The following PCDHA4 variants were observed in gnomAD, a reference collection of about 807,000 sequenced individuals.
PCDHA4 encodes protocadherin alpha-4.
Under a neutral mutation model 61.4 loss-of-function variants are expected in PCDHA4, and 49 were observed. The ratio of observed to expected loss-of-function variants is 0.80; its 90% CI spans 0.63 to 1.01. The LOEUF is 1.01. PCDHA4 is among the 50% of genes least tolerant of loss of function. The pLI, the probability that PCDHA4 is intolerant of heterozygous loss-of-function variation, is 0.00. For synonymous variants in PCDHA4, 590 were observed against 550.3 expected, an observed-to-expected ratio of 1.07 and a Z score of -1.01; for missense variants, 1,254 against 1,235.8, an observed-to-expected ratio of 1.01 and a Z score of -0.22.
At chr5:140,823,170 G>A in intron 1 of PCDHA4, 1 of 1,613,908 alleles carries the variant, frequency 6.2e-7, no homozygotes, top group South Asian at 1.1e-5. Context: ...TCGTGAAGGA[G>A]AACAACCCGC....
intron 1 of PCDHA4, 146 bp from the exon 2 acceptor site, chr5:140,978,803 C>A: frequency 2.0e-6 from 3 of 1,485,240 alleles, no homozygotes; most frequent in Middle Eastern, 1.8e-4. Context: ...ATGTAGATAT[C>A]ATCATAGAGT....
intron 1 of PCDHA4, chr5:140,824,241 G>A (rs2150133437): frequency 6.0e-6 from 9 of 1,494,128 alleles, no homozygotes; most frequent in Non-Finnish European, 4.6e-6. Flanking sequence ...CAAATATTGT[G>A]GTACACAATT....
rs2150218754 is a variant in PCDHA4, at chr5:140,834,459, G to A, written c.2385+24887G>A. On this transcript the variant is annotated intron_variant, in intron 1 of 3. Transcript: ENST00000530339. ...TATTATAATTCTAGCAGCTTGGGAG[G>A]CAGGGAGAGGCCAGCTCCACTACTC... is the stretch of plus-strand genomic sequence containing the variant. 9.3e-6 allele frequency: 15 copies of A among 1,614,052 alleles called. No homozygotes were observed. The highest frequency in any genetic ancestry group is 1.7e-4 in the Middle Eastern group (1 of 6,058).
At chr5:140,875,342 A>T in intron 1 of PCDHA4, 1 of 1,443,152 alleles carries the variant, frequency 6.9e-7, no homozygotes, top group Non-Finnish European at 9.1e-7. Flanking sequence ...GATCGACTCC[A>T]TAATGACTGT....
intron 1 of PCDHA4, chr5:140,876,018 A>G: frequency 6.2e-7 from 1 of 1,613,764 alleles, no homozygotes; most frequent in East Asian, 2.2e-5. Flanking sequence ...AGCTTAAAAT[A>G]AAAACAAAAA....
At chr5:140,870,848 G>A in intron 1 of PCDHA4, 1 of 1,613,876 alleles carries the variant, frequency 6.2e-7, no homozygotes, top group East Asian at 2.2e-5. Context: ...CTAGTACCGC[G>A]GTCGGTGGGT....
At chr5:140,822,745 A>G (rs1767421086) in intron 1 of PCDHA4, 7 of 1,613,644 alleles carry the variant, frequency 4.3e-6, no homozygotes, top group South Asian at 2.2e-5. Context: ...TGCCATGGAT[A>G]AAAGTACATT....
At chr5:140,902,846 A>G (rs1119032) in intron 1 of PCDHA4, among the ~76,000 whole-genome samples, 22,643 of 152,174 alleles carry the variant, frequency 0.15, 1,744 homozygotes, top group Middle Eastern at 0.2. Flanking sequence ...CTTCACTTAG[A>G]AAAATGGCGT....
At chr5:140,953,254 C>A (rs1483553184) in intron 1 of PCDHA4, among the ~76,000 whole-genome samples, 3 of 152,098 alleles carry the variant, frequency 2.0e-5, no homozygotes, top group Non-Finnish European at 2.9e-5. Flanking sequence ...CAGTTTAGTT[C>A]TTTTAGCTTT....
intron 1 of PCDHA4, among the ~76,000 whole-genome samples, chr5:140,844,486 G>T (rs1279388855): frequency 6.7e-6 from 1 of 148,992 alleles, no homozygotes; most frequent in Non-Finnish European, 1.5e-5. Context: ...CTATGTTTAG[G>T]AAATGATTAC....
intron 1 of PCDHA4, chr5:140,841,301 G>A (rs2150312964): frequency 2.0e-6 from 3 of 1,536,446 alleles, no homozygotes; most frequent in Admixed American, 3.9e-5. Flanking sequence ...AATATTTTCT[G>A]ATAGGAAACG....
intron 1 of PCDHA4, chr5:140,871,069 C>G: frequency 6.2e-7 from 1 of 1,613,228 alleles, no homozygotes; most frequent in East Asian, 2.2e-5. Context: ...TCACGGTGAG[C>G]CGGCGCTGAC....
In PCDHA4 at chr5:140,841,358, C is replaced by A. The variant is rs2150314140; in HGVS notation, c.2385+31786C>A. ...CTGGCGAGGAGAGCTGGGATCCTGGCGACTACTACTCTTGCTTCTGCTCCT... is the reference window on the plus strand; with the variant it reads ...CTGGCGAGGAGAGCTGGGATCCTGGAGACTACTACTCTTGCTTCTGCTCCT... On this transcript the variant is annotated intron_variant, in intron 1 of 3. Coordinates refer to ENST00000530339, the MANE Select transcript of PCDHA4 (RefSeq NM_018907.4). 11 of 1,612,868 alleles carry A rather than the reference C, an allele frequency of 6.8e-6. No homozygotes were observed. In the Admixed American group the frequency reaches 1.2e-4, roughly 17 times the overall value.
intron 1 of PCDHA4, among the ~76,000 whole-genome samples, chr5:140,958,752 T>A (rs1423879082): frequency 6.6e-6 from 1 of 152,166 alleles, no homozygotes; most frequent in Non-Finnish European, 1.5e-5. Context: ...AAAGGAGATT[T>A]TTACCCATTT....
At position 140,842,676 on chromosome 5, in the gene PCDHA4, C is replaced by G. The variant is rs1554139267; in HGVS notation, c.2385+33104C>G. The G allele has an allele frequency of 1.9e-6, 3 of 1,595,430 alleles. 1 individual carries two copies. The African/African-American group carries it at 4.0e-5, about 21-fold the overall frequency. ...GAGGTGGCCGACGTGAACGACAATG[C>G]TCCGGCGTTCGCGCAGCCCGAGTAC... On this transcript the variant is annotated intron_variant, in intron 1 of 3. Transcript: ENST00000530339.
intron 1 of PCDHA4, among the ~76,000 whole-genome samples, chr5:140,961,599 G>T (rs1012408317): frequency 6.6e-6 from 1 of 152,062 alleles, no homozygotes; most frequent in African/African-American, 2.4e-5. Context: ...AATGATTCTA[G>T]TAAATGAAAC....
intron 1 of PCDHA4, among the ~76,000 whole-genome samples, chr5:140,947,198 TA>T (rs1554218091): frequency 1.3e-5 from 2 of 151,312 alleles, no homozygotes; most frequent in African/African-American, 4.8e-5. Flanking sequence ...TACACAGCCT[TA>T]AAAAAAGAAA....
intron 1 of PCDHA4, among the ~76,000 whole-genome samples, chr5:140,937,724 AAC>A (rs2091708035): frequency 6.6e-6 from 1 of 152,064 alleles, no homozygotes; most frequent in Non-Finnish European, 1.5e-5. Flanking sequence ...CATCCTGGCT[AAC>A]ACGGTGAAAC....
chr5:140,965,331 G>T (rs2153743444), intron 1 of PCDHA4, among the ~76,000 whole-genome samples: 1 of 152,252 alleles, frequency 6.6e-6, no homozygotes, highest in Non-Finnish European at 1.5e-5. Context: ...AAGTGAATTT[G>T]TTGTCTCTGT....
Sources: gnomAD v4.1 joint callset for allele counts (sites outside exome capture counted in the v4.1 genomes callset) on GRCh38, gnomAD v4.1.1 for gene constraint, MANE v1.5 for transcripts, NCBI Gene and HGNC (gene_info 2026-07-23, HGNC 2026-07-21) for gene names.